Variants in TMEM40 observed in about 807,000 individuals in gnomAD.
The protein encoded by TMEM40 is transmembrane protein 40.
In TMEM40, 34 loss-of-function variants were observed where a neutral mutation model predicts 40.8. The observed-to-expected ratio is 0.83, with a 90% CI of 0.63 to 1.11. The LOEUF (loss-of-function observed/expected upper bound fraction) is 1.11, where lower values mean the gene tolerates loss of function less well. Among genes scored for constraint, TMEM40 ranks in the 50% least tolerant of loss-of-function variants. The pLI, the probability that TMEM40 is intolerant of heterozygous loss-of-function variation, is 0.00. For synonymous variants in TMEM40, 106 were observed against 107.0 expected, an observed-to-expected ratio of 0.99 and a Z score of 0.06; for missense variants, 296 against 280.2, an observed-to-expected ratio of 1.06 and a Z score of -0.40.
rs1462505977 is a variant in TMEM40 at position 12,734,751 on chromosome 3, C to T, written c.*23G>A. The stretch of plus-strand genomic sequence containing the variant: ...GTGGTGGTCACACTGGGGCCTGCCT[C>T]TGCTGCCCACCTGGAAGTGGCCTCA... On this transcript the variant is annotated 3_prime_UTR_variant, in exon 12 of 12. Coordinates refer to ENST00000314124, the MANE Select transcript of TMEM40 (RefSeq NM_018306.4). The T allele has an allele frequency of 1.0e-5, 16 of 1,589,324 alleles. No homozygotes were observed. The highest frequency in any genetic ancestry group is 1.4e-5 in the Non-Finnish European group (16 of 1,168,842).
At chr3:12,750,129 C>CCTTTTT (rs570969644) in intron 1 of TMEM40, among the ~76,000 whole-genome samples, 1 of 146,430 alleles carries the variant, frequency 6.8e-6, no homozygotes, top group Non-Finnish European at 1.5e-5. Context: ...CAGGCACAAT[C>CCTTTTT]CTTTTTCTTT....
intron 3 of TMEM40, among the ~76,000 whole-genome samples, chr3:12,748,156 C>T (rs2061443975): frequency 6.6e-6 from 1 of 152,140 alleles, no homozygotes; most frequent in African/African-American, 2.4e-5. Context: ...GAATTTCATC[C>T]TCACAAGAAT....
chr3:12,751,677 T>C (rs1484554419), intron 1 of TMEM40, among the ~76,000 whole-genome samples: 1 of 152,130 alleles, frequency 6.6e-6, no homozygotes, highest in African/African-American at 2.4e-5. Flanking sequence ...CGAGATGGAA[T>C]GACTGACAGC....
intron 1 of TMEM40, among the ~76,000 whole-genome samples, chr3:12,751,939 G>A (rs2061480847): frequency 6.6e-6 from 1 of 152,074 alleles, no homozygotes; most frequent in Non-Finnish European, 1.5e-5. Context: ...CAGCACTTTT[G>A]GCTTAGTCCA....
intron 1 of TMEM40, among the ~76,000 whole-genome samples, chr3:12,765,505 G>GAGGA (rs2061590193): frequency 6.6e-6 from 1 of 151,296 alleles, no homozygotes; most frequent in South Asian, 2.1e-4. Flanking sequence ...CGTTTGAAGA[G>GAGGA]AGACAAGAAG....
At chr3:12,767,195 G>C (rs2061598100) in intron 1 of TMEM40, among the ~76,000 whole-genome samples, 1 of 152,174 alleles carries the variant, frequency 6.6e-6, no homozygotes, top group African/African-American at 2.4e-5. Flanking sequence ...TAAAAGTTGG[G>C]GGGTCAGTTG....
At chr3:12,746,552 A>AT (rs2061430276) in intron 3 of TMEM40, among the ~76,000 whole-genome samples, 1 of 152,206 alleles carries the variant, frequency 6.6e-6, no homozygotes, top group Non-Finnish European at 1.5e-5. Context: ...AGGGTCCTGC[A>AT]TGTGAGGACG....
At chr3:12,764,241 G>A (rs185892714), upstream of TMEM40, among the ~76,000 whole-genome samples, 1 of 152,308 alleles carries the variant, frequency 6.6e-6, no homozygotes, top group African/African-American at 2.4e-5. Context: ...CCAGAAAGAT[G>A]TCTGTGAGGG....
chr3:12,742,447 T>C lies in TMEM40; in HGVS notation c.355+7A>G. 6.2e-7 allele frequency: 1 copy of C among 1,613,436 alleles called. No individual in the cohort carries two copies. The highest frequency in any genetic ancestry group is 8.5e-7 in the Non-Finnish European group (1 of 1,179,450). On this transcript the variant is annotated splice_region_variant and intron_variant, in intron 5 of 11. Transcript: ENST00000314124. The stretch of plus-strand genomic sequence containing the variant: ...GTTTTCTCCAAAGCTACTGGGCAAC[T>C]GATTACCTCCATAGAGTTGAAGCTC...
upstream of TMEM40, among the ~76,000 whole-genome samples, chr3:12,760,429 A>G (rs2061561443): frequency 6.6e-6 from 1 of 151,982 alleles, no homozygotes; most frequent in Non-Finnish European, 1.5e-5. Context: ...GTAACACTGG[A>G]ACATGTTCCA....
intron 1 of TMEM40, among the ~76,000 whole-genome samples, chr3:12,765,690 C>T (rs1351647170): frequency 2.6e-5 from 4 of 151,598 alleles, no homozygotes; most frequent in Admixed American, 6.6e-5. Context: ...CTGCCTCAGC[C>T]TCCTGAGTAG....
At chr3:12,737,792 G>C in intron 7 of TMEM40, 38 bp from the exon 8 acceptor site, 1 of 1,593,216 alleles carries the variant, frequency 6.3e-7, no homozygotes. Flanking sequence ...TAACTTTGAT[G>C]CAGGACGGGA....
intron 1 of TMEM40, among the ~76,000 whole-genome samples, chr3:12,767,641 C>CA (rs796669011): frequency 1.3e-5 from 2 of 152,288 alleles, no homozygotes; most frequent in African/African-American, 4.8e-5. Context: ...GCAAAAGCAG[C>CA]ATGGGCAAGA....
In TMEM40 at chr3:12,743,934, C is replaced by T. The variant is rs2061402930; in HGVS notation, c.267G>A (p.Leu89=). The change falls in exon 4 of 12, where the codon CTG becomes CTA. Residue 89 remains leucine (L), a synonymous_variant. Transcript: ENST00000314124. ...PRATGKHRRS[L]GAGYPHGNGS... ...CGTTCCCGTGGGGGTATCCAGCCCC[C>T]AGGCTCCGTCGATGTTTTCCGGTTG... 2.5e-6 allele frequency: 4 copies of T among 1,613,584 alleles called. No individual in the cohort carries two copies. The highest frequency in any genetic ancestry group is 3.4e-6 in the Non-Finnish European group (4 of 1,179,830).
upstream of TMEM40, among the ~76,000 whole-genome samples, chr3:12,760,933 G>A (rs955745866): frequency 6.6e-5 from 10 of 152,250 alleles, no homozygotes; most frequent in African/African-American, 2.2e-4. Context: ...GTAGAGACAA[G>A]ATCTTGCTAT....
intron 11 of TMEM40, 38 bp from the exon 12 acceptor site, chr3:12,734,831 AAGGCAGCC>A: frequency 6.3e-7 from 1 of 1,587,648 alleles, no homozygotes; most frequent in Non-Finnish European, 8.6e-7. Context: ...TGGGATTCTG[AAGGCAGCC>A]AGGCTTCATC....
chr3:12,767,868 C>A (rs2061601119), intron 1 of TMEM40, among the ~76,000 whole-genome samples: 1 of 152,156 alleles, frequency 6.6e-6, no homozygotes, highest in Non-Finnish European at 1.5e-5. Context: ...TGGTGCAGCT[C>A]CTGTCTCCAC....
At chr3:12,743,440 C>T (rs904599304) in intron 4 of TMEM40, among the ~76,000 whole-genome samples, 2 of 152,088 alleles carry the variant, frequency 1.3e-5, no homozygotes, top group African/African-American at 2.4e-5. Context: ...GCACTCCAGC[C>T]TGGGCAACAA....
chr3:12,761,659 G>C (rs1559536181), upstream of TMEM40, among the ~76,000 whole-genome samples: 1 of 151,992 alleles, frequency 6.6e-6, no homozygotes, highest in African/African-American at 2.4e-5. Context: ...GCTGCATTGT[G>C]GACTGGTGGA....
Sources: gnomAD v4.1 joint callset for allele counts (sites outside exome capture counted in the v4.1 genomes callset) on GRCh38, gnomAD v4.1.1 for gene constraint, MANE v1.5 for transcripts, NCBI Gene and HGNC (gene_info 2026-07-23, HGNC 2026-07-21) for gene names.